CLEC16A: variants seen among roughly 807,000 people sequenced by gnomAD.
The protein encoded by CLEC16A is C-type lectin domain containing 16A.
Under a neutral mutation model 109.5 loss-of-function variants are expected in CLEC16A, and 51 were observed. The observed-to-expected ratio is 0.47, with a 90% CI of 0.37 to 0.59. The LOEUF is 0.59. Ranked by LOEUF, CLEC16A falls within the 20% of genes least tolerant of loss-of-function variation. The probability of loss-of-function intolerance (pLI) is 0.00; values close to 1 mark genes in which losing one functional copy is unlikely to be tolerated. For synonymous variants in CLEC16A, 673 were observed against 564.2 expected (o/e 1.19, Z -2.73); for missense variants, 1,339 against 1,394.0 (o/e 0.96, Z 0.63).
At chr16:11,016,343 T>C (rs141103126) in intron 11 of CLEC16A, among the ~76,000 whole-genome samples, 2,434 of 117,522 alleles carry the variant, frequency 0.021, 68 homozygotes, top group African/African-American at 0.093. Context: ...CTCTTTTTTT[T>C]CTTTTTTTTT....
At chr16:11,168,844 C>T (rs2068384448) in intron 23 of CLEC16A, among the ~76,000 whole-genome samples, 1 of 152,256 alleles carries the variant, frequency 6.6e-6, no homozygotes, top group African/African-American at 2.4e-5. Flanking sequence ...GGGATAGGAG[C>T]CCTTCTGCCA....
chr16:11,102,668 C>T (rs1047271395), intron 19 of CLEC16A, among the ~76,000 whole-genome samples: 11 of 152,304 alleles, frequency 7.2e-5, no homozygotes, highest in African/African-American at 2.6e-4. Flanking sequence ...TGACTGAGGC[C>T]ACACAGCCTA....
At chr16:11,120,830 A>ACC in intron 20 of CLEC16A, 64 bp downstream of exon 20, 1 of 1,247,960 alleles carries the variant, frequency 8.0e-7, no homozygotes, top group Non-Finnish European at 1.1e-6. Flanking sequence ...ACACACACAC[A>ACC]CACACACACC....
At chr16:10,956,862 TCTCGGCTCACTGCAAC>T (rs1384753252) in intron 1 of CLEC16A, among the ~76,000 whole-genome samples, 27 of 151,932 alleles carry the variant, frequency 1.8e-4, no homozygotes, top group Middle Eastern at 6.8e-3. Context: ...AATGGTGTGA[TCTCGGCTCACTGCAAC>T]CTCCACCTCC....
intron 13 of CLEC16A, among the ~76,000 whole-genome samples, chr16:11,035,235 T>TGG (rs2046955011): frequency 6.6e-6 from 1 of 152,200 alleles, no homozygotes; most frequent in Admixed American, 6.5e-5. Context: ...CTTTCTAGCA[T>TGG]GTTTTCTGTG....
At chr16:11,161,850 T>C (rs1597604811) in intron 22 of CLEC16A, among the ~76,000 whole-genome samples, 1 of 152,288 alleles carries the variant, frequency 6.6e-6, no homozygotes, top group Non-Finnish European at 1.5e-5. Context: ...CAAACACACA[T>C]ATAACATAAA....
chr16:11,057,515 C>G (rs2048271095), intron 18 of CLEC16A, among the ~76,000 whole-genome samples: 2 of 152,306 alleles, frequency 1.3e-5, no homozygotes, highest in South Asian at 2.1e-4. Flanking sequence ...ACTGATTCCC[C>G]GGTGACATTG....
chr16:10,985,120 G>A (rs564193912), intron 10 of CLEC16A, among the ~76,000 whole-genome samples: 4 of 150,252 alleles, frequency 2.7e-5, no homozygotes, highest in Middle Eastern at 3.4e-3. Flanking sequence ...GGAGAATGGC[G>A]TGAACCCAGG....
intron 13 of CLEC16A, among the ~76,000 whole-genome samples, chr16:11,028,207 GA>G (rs2152821169): frequency 6.6e-6 from 1 of 152,214 alleles, no homozygotes; most frequent in South Asian, 2.1e-4. Context: ...TCAACAAAAA[GA>G]AAAGACAGTA....
At chr16:11,006,483 C>T (rs74007593) in intron 11 of CLEC16A, among the ~76,000 whole-genome samples, 2,236 of 152,284 alleles carry the variant, frequency 0.015, 56 homozygotes, top group African/African-American at 0.051. Flanking sequence ...TCTCTAGAAG[C>T]TCCTTTCATT....
chr16:11,105,538 C>A (rs1053215227), intron 19 of CLEC16A, among the ~76,000 whole-genome samples: 1 of 152,190 alleles, frequency 6.6e-6, no homozygotes, highest in African/African-American at 2.4e-5. Flanking sequence ...GTTTTCCTGG[C>A]CACTGTGAAA....
chr16:11,114,240 T>A (rs1420981325), intron 19 of CLEC16A, among the ~76,000 whole-genome samples: 1 of 151,186 alleles, frequency 6.6e-6, no homozygotes, highest in Non-Finnish European at 1.5e-5. Context: ...CCTATGCAAA[T>A]CCTTCACGTT....
At chr16:10,955,687 G>A (rs146213226) in intron 1 of CLEC16A, among the ~76,000 whole-genome samples, 68 of 152,254 alleles carry the variant, frequency 4.5e-4, no homozygotes, top group Non-Finnish European at 6.2e-4. Flanking sequence ...CTAAGCCACC[G>A]TCTCCCATTG....
chr16:11,003,010 T>C lies in CLEC16A; in HGVS notation c.1072-64T>C, dbSNP rs1386727863. 3.7e-6 allele frequency: 5 copies of C among 1,366,672 alleles called. No homozygotes were observed. The African/African-American group carries it at 7.3e-5, about 20-fold the overall frequency. 84.7% of individuals were successfully genotyped at this position (1,366,672 alleles called of 1,614,324 possible). A position where few individuals can be genotyped will look rare whatever the true frequency, so the allele number is the denominator to read the frequency against. ...CTTAGGACAGAAACTTTTGGGCAAC[T>C]TGATAGCATCCAGCAGGATTCTAGT... On this transcript the variant is annotated intron_variant, in intron 10 of 23. Transcript: ENST00000409790.
chr16:11,120,658 C>A lies in CLEC16A; in HGVS notation c.2160C>A (p.Gly720=), dbSNP rs201115033. ...CATGTACAGTGATCACCAAGGATGG[C>A]GGCATGGTCCAGCGATTCCTGGCTG... The part of the protein sequence containing the change: ...LIACTVITKD[G]GMVQRFLAVD... The change falls in exon 20 of 24, where the codon GGC becomes GGA. Residue 720 remains glycine, a synonymous_variant. Transcript: ENST00000409790. 27 of 1,612,856 alleles carry A rather than the reference C, an allele frequency of 1.7e-5. No individual in the cohort carries two copies. In the African/African-American group the frequency reaches 2.4e-4, roughly 14 times the overall value.
chr16:11,162,219 G>A (rs1364254), intron 22 of CLEC16A, among the ~76,000 whole-genome samples: 105,983 of 152,234 alleles, frequency 0.7, 38,089 homozygotes, highest in African/African-American at 0.86. Flanking sequence ...CCCCCCGACC[G>A]TGAAACTGGG....
Position 10,955,993 on chromosome 16 carries a change from C to T in CLEC16A, c.81-1789C>T, listed in dbSNP as rs115114516. ...GTTTGGAAAACTCTGCCGTTTGAAA[C>T]TCTTGGGGAAGATGCACTTGAGGCA... On this transcript the variant is annotated intron_variant, in intron 1 of 23. Transcript: ENST00000409790. 1.7e-3 allele frequency among the ~76,000 whole-genome samples: 253 copies of T among 152,356 alleles called. 2 individuals are homozygous for T. The highest frequency in any genetic ancestry group is 5.7e-3 in the African/African-American group (238 of 41,586).
intron 23 of CLEC16A, among the ~76,000 whole-genome samples, chr16:11,169,715 C>T (rs925586693): frequency 6.6e-6 from 1 of 152,190 alleles, no homozygotes; most frequent in Non-Finnish European, 1.5e-5. Context: ...TTGAATTGTT[C>T]AAGGATGTTG....
chr16:11,034,123 A>C (rs2046894413), intron 13 of CLEC16A, among the ~76,000 whole-genome samples: 1 of 152,230 alleles, frequency 6.6e-6, no homozygotes, highest in Non-Finnish European at 1.5e-5. Context: ...AAAGGTTGAA[A>C]GGTAATAGGC....
Sources: gnomAD v4.1 joint callset for allele counts (sites outside exome capture counted in the v4.1 genomes callset) on GRCh38, gnomAD v4.1.1 for gene constraint, MANE v1.5 for transcripts, NCBI Gene and HGNC (gene_info 2026-07-23, HGNC 2026-07-21) for gene names.